The following PRDX4 variants were observed in gnomAD, a reference collection of about 807,000 sequenced individuals.
PRDX4 encodes peroxiredoxin 4, also known as peroxiredoxin-4.
A neutral mutation model predicts 20.5 loss-of-function variants in PRDX4; 12 were observed. The observed-to-expected ratio is 0.58, with a 90% CI of 0.37 to 0.95. PRDX4 has a LOEUF of 0.95. Ranked by LOEUF, PRDX4 falls within the 40% of genes least tolerant of loss-of-function variation. The pLI is 0.01. For missense variants in PRDX4, 180 were observed against 207.3 expected (o/e 0.87, Z 0.81); for synonymous variants, 99 against 87.5 (o/e 1.13, Z -0.73).
chrX:23,676,136 C>CAAAAAAAA (rs55792240), intron 3 of PRDX4, among the ~76,000 whole-genome samples: 51 of 54,969 alleles, frequency 9.3e-4, no homozygotes, highest in Middle Eastern at 0.013. Flanking sequence ...AACTCCATCT[C>CAAAAAAAA]AAAAAAAAAA....
chrX:23,674,824 T>C, intron 2 of PRDX4, among the ~76,000 whole-genome samples, 166 bp from the exon 3 acceptor site: 1 of 112,263 alleles, frequency 8.9e-6, no homozygotes, highest in Non-Finnish European at 1.9e-5. Context: ...AAATATTTGA[T>C]TAAATGACAG....
At chrX:23,680,160 C>A (rs1428394537) in intron 4 of PRDX4, among the ~76,000 whole-genome samples, 1 of 111,940 alleles carries the variant, frequency 8.9e-6, no homozygotes, top group Non-Finnish European at 1.9e-5. Flanking sequence ...ATAAAAGAGA[C>A]AGATTCATAG....
chrX:23,671,708 A>G, intron 2 of PRDX4, 62 bp downstream of exon 2: 1 of 859,254 alleles, frequency 1.2e-6, no homozygotes. Context: ...TTTCAGGAGT[A>G]TCAAACAAAT....
At chrX:23,667,864 C>T (rs1304872130) in intron 1 of PRDX4, 53 bp downstream of exon 1, 1 of 1,189,191 alleles carries the variant, frequency 8.4e-7, no homozygotes, top group East Asian at 3.0e-5. Context: ...GACACGTGTA[C>T]CCCGGTTACA....
At position 23,667,810 on chromosome X, in the gene PRDX4, G is replaced by T. The variant is rs1467903975; in HGVS notation, c.240G>T (p.Lys80Asn). 2 of 1,208,932 alleles carry T rather than the reference G, an allele frequency of 1.7e-6. No individual in the cohort carries two copies. The highest frequency in any genetic ancestry group is 3.5e-5 in the African/African-American group (2 of 57,141). The stretch of plus-strand genomic sequence containing the variant: ...ACTCCCTGCACCTAAGCAAAGCGAA[G>T]AGTAGGTGGTGTCCCGCCAAAGGGT... ...ADHSLHLSKA[K>N]ISKPAPYWEG... The change falls in exon 1 of 7, where the codon AAG (lysine) becomes AAT (asparagine). Residue 80 changes from lysine (K) to asparagine (N), a missense_variant and splice_region_variant. Lys to Asn is a moderately conservative substitution (Grantham distance 94). Around this residue, in one of 3 missense-constraint regions of PRDX4, gnomAD observed 105 missense variants for 114.2 expected, o/e 0.92. Coordinates refer to ENST00000379341, the MANE Select transcript of PRDX4 (RefSeq NM_006406.2).
At chrX:23,680,248 T>C (rs1928039873) in intron 4 of PRDX4, among the ~76,000 whole-genome samples, 1 of 111,907 alleles carries the variant, frequency 8.9e-6, no homozygotes, top group South Asian at 3.7e-4. Flanking sequence ...CCCAACTCCT[T>C]GTCCATTTCT....
At chrX:23,675,337 T>A in intron 3 of PRDX4, 1 of 633,430 alleles carries the variant, frequency 1.6e-6, no homozygotes, top group Non-Finnish European at 2.3e-6. Flanking sequence ...ATAGGACATT[T>A]CAAAATAAGG....
chrX:23,677,867 T>C, intron 3 of PRDX4, among the ~76,000 whole-genome samples: 1 of 112,419 alleles, frequency 8.9e-6, no homozygotes, highest in Middle Eastern at 4.6e-3. Flanking sequence ...ACAGTAAAGA[T>C]GTTCCTGACT....
intron 2 of PRDX4, among the ~76,000 whole-genome samples, chrX:23,674,156 C>A (rs1422766162): frequency 9.0e-6 from 1 of 111,428 alleles, no homozygotes; most frequent in Non-Finnish European, 1.9e-5. Flanking sequence ...AGTTAGTCCT[C>A]CTGCCTGATC....
chrX:23,668,361 G>A (rs1212230371), intron 1 of PRDX4, among the ~76,000 whole-genome samples: 1 of 112,442 alleles, frequency 8.9e-6, no homozygotes, highest in East Asian at 2.8e-4. Context: ...TATTCCTTAT[G>A]TTTCTCAGAC....
chrX:23,669,551 ATAAT>A (rs748689867), intron 1 of PRDX4, among the ~76,000 whole-genome samples: 2 of 111,918 alleles, frequency 1.8e-5, no homozygotes, highest in South Asian at 3.7e-4. Context: ...AAAACTGTTC[ATAAT>A]TAATTTACTG....
intron 3 of PRDX4, 126 bp from the exon 4 acceptor site, chrX:23,679,039 C>T: frequency 1.5e-6 from 1 of 688,036 alleles, no homozygotes. Context: ...AGTATATTAG[C>T]CTGTTTTTGT....
intron 6 of PRDX4, among the ~76,000 whole-genome samples, chrX:23,685,668 T>C (rs1375451544): frequency 9.1e-6 from 1 of 109,555 alleles, no homozygotes; most frequent in African/African-American, 3.3e-5. Flanking sequence ...TACCTATAAC[T>C]AGCAAATAAC....
At chrX:23,669,018 C>T (rs925284090) in intron 1 of PRDX4, among the ~76,000 whole-genome samples, 2 of 110,488 alleles carry the variant, frequency 1.8e-5, no homozygotes, top group Non-Finnish European at 3.8e-5. Context: ...CTCCGCCGCC[C>T]GGGTTCAAGC....
intron 5 of PRDX4, among the ~76,000 whole-genome samples, chrX:23,682,825 C>CAAAAAAAAAAA (rs568865999): frequency 1.0e-4 from 1 of 9,582 alleles, no homozygotes; most frequent in Non-Finnish European, 1.5e-4. Context: ...TACTAAAAAT[C>CAAAAAAAAAAA]AAAAAAAAAA....
chrX:23,670,298 A>G (rs1024498113), intron 1 of PRDX4, among the ~76,000 whole-genome samples: 3 of 111,859 alleles, frequency 2.7e-5, no homozygotes, highest in Non-Finnish European at 5.6e-5. Flanking sequence ...CTCTCACTTG[A>G]GTAGCATTTT....
intron 2 of PRDX4, among the ~76,000 whole-genome samples, chrX:23,673,521 C>A (rs1321771565): frequency 8.9e-6 from 1 of 112,234 alleles, no homozygotes; most frequent in Non-Finnish European, 1.9e-5. Context: ...GGGAGGCCAA[C>A]ATGGGCGGAT....
At chrX:23,683,943 G>A (rs1928134902) in intron 6 of PRDX4, among the ~76,000 whole-genome samples, 1 of 106,011 alleles carries the variant, frequency 9.4e-6, no homozygotes, top group South Asian at 4.4e-4. Context: ...AGCTACTCGG[G>A]AGGCTGAGGC....
At position 23,679,178 on chromosome X, in the gene PRDX4, C is replaced by T; in HGVS notation, c.490C>T (p.Arg164Ter). 3 of 1,208,234 alleles carry T rather than the reference C, an allele frequency of 2.5e-6. No homozygotes were observed. Among genetic ancestry groups the T allele is most frequent in the Non-Finnish European group, 2.2e-6 (2 of 893,503 alleles). The change falls in exon 4 of 7, where the codon CGA becomes TGA. Residue 164 changes from arginine to a stop codon, truncating the protein, a stop_gained. Coordinates refer to ENST00000379341, the MANE Select transcript of PRDX4 (RefSeq NM_006406.2). LOFTEE classifies it high-confidence loss of function. ...TGTTTGTTACAGGATTAATACCCCT[C>T]GAAGACAAGGAGGACTTGGGCCAAT... ...FTHLAWINTPRRQGGLGPIRI... is the reference protein window; with the variant it reads ...FTHLAWINTP
Sources: gnomAD v4.1 joint callset for allele counts (sites outside exome capture counted in the v4.1 genomes callset) on GRCh38, gnomAD v4.1.1 for gene constraint, gnomAD v4.1.1 regional missense constraint, MANE v1.5 for transcripts, NCBI Gene and HGNC (gene_info 2026-07-23, HGNC 2026-07-21) for gene names.